ADAMTS7: variants seen among roughly 807,000 people sequenced by gnomAD.
ADAMTS7 encodes the protein A disintegrin and metalloproteinase with thrombospondin motifs 7.
A neutral mutation model predicts 172.6 loss-of-function variants in ADAMTS7; 89 were observed. The ratio of observed to expected loss-of-function variants is 0.52; its 90% confidence interval spans 0.43 to 0.61. ADAMTS7 has a LOEUF of 0.61. Among genes scored for constraint, ADAMTS7 ranks in the 20% least tolerant of loss-of-function variants. ADAMTS7 has a pLI of 0.00. For synonymous variants in ADAMTS7, 885 were observed against 978.4 expected (o/e 0.90, Z 1.78); for missense variants, 1,973 against 2,355.6 (o/e 0.84, Z 3.36).
Position 78,759,576 on chromosome 15 carries a change from A to C in ADAMTS7, c.4906T>G (p.Cys1636Gly). The C allele has an allele frequency of 6.3e-7, 1 of 1,581,466 alleles. No homozygotes were observed. The highest frequency in any genetic ancestry group is 8.6e-7 in the Non-Finnish European group (1 of 1,169,522). ...CCGAAGGACAGGCGGTCCCGCTCAC[A>C]GCCTGGAGTGGGGGGGCAGAGAGGC... ...EDCEPVEPPR[C>G]ERDRLSFGFC... is the part of the protein sequence containing the mutation. The change falls in exon 24 of 24, where the codon TGT (cysteine) becomes GGT (glycine). Residue 1636 changes from cysteine to glycine, a missense_variant and splice_region_variant. Physicochemically the swap from Cys to Gly is radical, Grantham distance 159. Transcript: ENST00000388820.
At chr15:78,809,363 A>T (rs1596205528) in intron 1 of ADAMTS7, among the ~76,000 whole-genome samples, 1 of 152,092 alleles carries the variant, frequency 6.6e-6, no homozygotes, top group Non-Finnish European at 1.5e-5. Flanking sequence ...ACCAATCCTG[A>T]GGGAGTGCAG....
chr15:78,797,649 A>T (rs576391969), intron 3 of ADAMTS7, among the ~76,000 whole-genome samples: 1 of 152,192 alleles, frequency 6.6e-6, no homozygotes, highest in African/African-American at 2.4e-5. Context: ...AGAGCCAGGT[A>T]CCATAGGCTG....
At chr15:78,770,408 T>G (rs1255937775) in intron 16 of ADAMTS7, among the ~76,000 whole-genome samples, 1 of 141,774 alleles carries the variant, frequency 7.1e-6, no homozygotes, top group African/African-American at 2.7e-5. Context: ...AGGGGAGAAC[T>G]AAGAGACAAA....
rs1189273396 is a variant in ADAMTS7, at chr15:78,774,289, C to T, written c.1888G>A (p.Glu630Lys). Residue 630 changes from glutamate to lysine, a missense_variant, in exon 13 of 24, where the codon GAG (glutamate) becomes AAG (lysine). Transcript: ENST00000388820. ...TCATTCGCGGGCCGGCAGTGCAGCT[C>T]GCAGGGGTTCACTGAGGGCCCAAGT... The part of the protein sequence containing the change: ...VPVVNDVNPC[E>K]LHCRPANEYF... 5.7e-6 allele frequency: 9 copies of T among 1,571,774 alleles called. No individual in the cohort carries two copies. Among genetic ancestry groups the T allele is most frequent in the East Asian group, 2.3e-5 (1 of 44,052 alleles).
At chr15:78,768,327 C>A in intron 16 of ADAMTS7, 68 bp from the exon 17 acceptor site, 2 of 1,600,912 alleles carry the variant, frequency 1.2e-6, no homozygotes, top group Non-Finnish European at 1.7e-6. Flanking sequence ...CAAAGACACC[C>A]TCTCTGCCAG....
At chr15:78,797,443 TCCTCA>T (rs2055660805) in intron 3 of ADAMTS7, among the ~76,000 whole-genome samples, 1 of 152,210 alleles carries the variant, frequency 6.6e-6, no homozygotes, top group Non-Finnish European at 1.5e-5. Flanking sequence ...AGCAGGCAGC[TCCTCA>T]CCTGGACTGG....
chr15:78,765,080 C>G (rs893334445), intron 19 of ADAMTS7: 1 of 228,912 alleles, frequency 4.4e-6, no homozygotes, highest in Non-Finnish European at 8.5e-6. Flanking sequence ...AGCCAAATCG[C>G]TGGGTATCCC....
chr15:78,765,554 CG>C lies in ADAMTS7; in HGVS notation c.4266+90del. ...GCCCCAAGAGAGGCTAGACAGACGG[CG>C]CCTGTGTCCCACTCTGCTCATTTTC... On this transcript the variant is annotated intron_variant, in intron 19 of 23. Transcript: ENST00000388820. The C allele has an allele frequency of 6.4e-6, 10 of 1,570,644 alleles. No homozygotes were observed. In the East Asian group the frequency reaches 6.7e-5, roughly 11 times the overall value.
chr15:78,777,594 G>A lies in ADAMTS7; in HGVS notation c.1323-6C>T. The stretch of plus-strand genomic sequence containing the variant: ...GGCACAGGCCCCACCCACGGCTAAA[G>A]ATGGGACGGGAGGATGGAGGGGGGC... On this transcript the variant is annotated splice_polypyrimidine_tract_variant and splice_region_variant and intron_variant, in intron 8 of 23. Transcript: ENST00000388820. 1.2e-6 allele frequency: 2 copies of A among 1,600,920 alleles called. No homozygotes were observed. The highest frequency in any genetic ancestry group is 1.7e-6 in the Non-Finnish European group (2 of 1,174,110).
At chr15:78,774,354 GCCA>G in intron 12 of ADAMTS7, 54 bp from the exon 13 acceptor site, 1 of 1,500,770 alleles carries the variant, frequency 6.7e-7, no homozygotes, top group Non-Finnish European at 8.9e-7. Context: ...GAGTATGGAG[GCCA>G]CCAGGAAGAC....
intron 23 of ADAMTS7, 55 bp from the exon 24 acceptor site, chr15:78,759,633 C>T: frequency 6.7e-7 from 1 of 1,489,290 alleles, no homozygotes; most frequent in Non-Finnish European, 8.9e-7. Flanking sequence ...TACCCAGAAC[C>T]TGGCTCCCTA....
intron 2 of ADAMTS7, 96 bp downstream of exon 2, chr15:78,800,096 G>A (rs1433943163): frequency 4.3e-6 from 5 of 1,161,572 alleles, no homozygotes; most frequent in African/African-American, 1.6e-5. Flanking sequence ...AGTGCACTGG[G>A]CAAAGCCACC....
chr15:78,811,360 G>C lies in ADAMTS7; in HGVS notation c.-140C>G. On this transcript the variant is annotated 5_prime_UTR_variant, in exon 1 of 24. Transcript: ENST00000388820. ...CGGCGACCCGGCCCCGACTCCGTTC[G>C]GCTGCGCTCGGTCCGCGGGCAACAA... The C allele has an allele frequency of 2.9e-6, 3 of 1,048,316 alleles. No individual in the cohort carries two copies. The highest frequency in any genetic ancestry group is 3.6e-6 in the Non-Finnish European group (3 of 825,896). The allele number at this position is 1,048,316 out of a possible 1,614,324, so 64.9% of individuals were successfully genotyped here.
chr15:78,765,732 C>G lies in ADAMTS7; in HGVS notation c.4179G>C (p.Pro1393=). 2 of 1,609,982 alleles carry G rather than the reference C, an allele frequency of 1.2e-6. No homozygotes were observed. Among genetic ancestry groups the G allele is most frequent in the Non-Finnish European group, 1.7e-6 (2 of 1,179,788 alleles). ...CCGCTTCAGCCAGGCTGGGAGCCAG[C>G]GGCTGGGTCTCAGGGACTCTGTGGC... ...ANSHRVPETQ[P]LAPSLAEAGP... The change falls in exon 19 of 24, where the codon CCG becomes CCC. Residue 1393 remains proline (P), a synonymous_variant. Transcript: ENST00000388820.
intron 8 of ADAMTS7, among the ~76,000 whole-genome samples, chr15:78,781,469 G>A (rs1186131629): frequency 5.3e-5 from 8 of 152,116 alleles, no homozygotes; most frequent in Admixed American, 1.3e-4. Context: ...GGGGAGGCAC[G>A]TATTGCTCTG....
At position 78,776,183 on chromosome 15, in the gene ADAMTS7, C is replaced by G; in HGVS notation, c.1706+5G>C. On this transcript the variant is annotated splice_donor_5th_base_variant and intron_variant, in intron 11 of 23. Transcript: ENST00000388820. Reference sequence around the variant, plus strand: ...GCCCAAGGGCACCCTGGGCCCCACACTCACGTAGGCTGCGTGCACTGCCGC... The same window carrying G: ...GCCCAAGGGCACCCTGGGCCCCACAGTCACGTAGGCTGCGTGCACTGCCGC... 6.2e-7 allele frequency: 1 copy of G among 1,606,178 alleles called. No individual in the cohort carries two copies. Among genetic ancestry groups the G allele is most frequent in the Non-Finnish European group, 8.5e-7 (1 of 1,176,380 alleles).
chr15:78,771,822 C>T lies in ADAMTS7; in HGVS notation c.2139G>A (p.Val713=), dbSNP rs1373139897. The change falls in exon 15 of 24, where the codon GTG becomes GTA. Residue 713 remains valine, a synonymous_variant. Transcript: ENST00000388820. The surrounding 1 kb of genome is among the most constrained non-coding windows in gnomAD (Gnocchi z 4.9). ...TFEEAEGLGY[V]DVGLIPAGAR... is the part of the protein sequence containing the mutation. ...CGCCCGCTGGGATCAGCCCCACATC[C>T]ACATACCCTGTCAGCCAAGGGTTGT... 6.2e-7 allele frequency: 1 copy of T among 1,610,852 alleles called. No individual in the cohort carries two copies. The highest frequency in any genetic ancestry group is 1.1e-5 in the South Asian group (1 of 91,024).
In ADAMTS7 at chr15:78,774,225, C is replaced by T. The variant is rs1481972081; in HGVS notation, c.1952G>A (p.Gly651Asp). 2 of 1,587,906 alleles carry T rather than the reference C, an allele frequency of 1.3e-6. No individual in the cohort carries two copies. Among genetic ancestry groups the T allele is most frequent in the Non-Finnish European group, 1.7e-6 (2 of 1,175,980 alleles). The stretch of plus-strand genomic sequence containing the variant: ...GGCTCGGACCTGGTAGCAGGGGGTG[C>T]CATCGACCACGGCGTCCCGCAGCTT... ...AEKLRDAVVDGTPCYQVRASR... is the reference protein window; with the variant it reads ...AEKLRDAVVDDTPCYQVRASR... The change falls in exon 13 of 24, where the codon GGC becomes GAC. Residue 651 changes from glycine to aspartate, a missense_variant. This residue lies in a region of ADAMTS7 where 526 missense variants were observed against 662.9 expected (regional missense o/e 0.79). Transcript: ENST00000388820.
chr15:78,783,671 T>C (rs1437322752), intron 8 of ADAMTS7, among the ~76,000 whole-genome samples: 1 of 152,174 alleles, frequency 6.6e-6, no homozygotes, highest in Non-Finnish European at 1.5e-5. Context: ...GTCAAATCCA[T>C]GTAAGTAATA....
Sources: allele counts gnomAD v4.1 joint callset (sites outside exome capture counted in the v4.1 genomes callset), GRCh38; gene constraint gnomAD v4.1.1; regional missense constraint gnomAD v4.1.1; non-coding constraint Gnocchi (gnomAD v3.1); transcripts MANE v1.5; gene names NCBI Gene and HGNC (gene_info 2026-07-23, HGNC 2026-07-21).